The following GTF2A1L variants were observed in gnomAD, a reference collection of about 807,000 sequenced individuals.
The protein encoded by GTF2A1L is general transcription factor IIA subunit 1 like, also known as TFIIA-alpha and beta-like factor.
A neutral mutation model predicts 49.7 loss-of-function variants in GTF2A1L; 48 were observed. That is an observed-to-expected ratio of 0.97 (90% CI 0.77 to 1.23). The LOEUF (loss-of-function observed/expected upper bound fraction) is 1.23. Ranked by LOEUF, GTF2A1L falls within the 50% of genes most tolerant of loss-of-function variation. The pLI, the probability that GTF2A1L is intolerant of heterozygous loss-of-function variation, is 0.00. For missense variants in GTF2A1L, 736 were observed against 564.8 expected (o/e 1.30, Z -3.07); for synonymous variants, 246 against 193.5 (o/e 1.27, Z -2.25).
chr2:48,634,731 C>T (rs1172913526), intron 3 of GTF2A1L, among the ~76,000 whole-genome samples: 1 of 152,218 alleles, frequency 6.6e-6, no homozygotes, highest in Non-Finnish European at 1.5e-5. Flanking sequence ...CCCCTAGTCT[C>T]TCCTGGCTTG....
intron 6 of GTF2A1L, among the ~76,000 whole-genome samples, chr2:48,669,456 G>C (rs965413558): frequency 1.3e-5 from 2 of 152,068 alleles, no homozygotes; most frequent in African/African-American, 2.4e-5. Context: ...TATAAAAACT[G>C]GTAAATATTA....
chr2:48,622,262 A>C (rs1215726524), intron 3 of GTF2A1L, among the ~76,000 whole-genome samples: 1 of 152,240 alleles, frequency 6.6e-6, no homozygotes, highest in Non-Finnish European at 1.5e-5. Context: ...TTAACAATGA[A>C]TGTTGAATTA....
intron 8 of GTF2A1L, among the ~76,000 whole-genome samples, chr2:48,676,821 C>G (rs1259202529): frequency 6.6e-6 from 1 of 150,750 alleles, no homozygotes; most frequent in Non-Finnish European, 1.5e-5. Flanking sequence ...ATATCTATAT[C>G]TATATCTATA....
intron 6 of GTF2A1L, among the ~76,000 whole-genome samples, chr2:48,656,287 A>G (rs1239947951): frequency 6.6e-6 from 1 of 150,560 alleles, no homozygotes; most frequent in Non-Finnish European, 1.5e-5. Flanking sequence ...ACCAGTTTAC[A>G]TTCTCAACAG....
chr2:48,645,163 A>G (rs1677425744), intron 5 of GTF2A1L, 46 bp downstream of exon 5: 1 of 1,545,112 alleles, frequency 6.5e-7, no homozygotes, highest in African/African-American at 1.4e-5. Context: ...CATTGGTACT[A>G]TTTTTTGGAC....
intron 6 of GTF2A1L, among the ~76,000 whole-genome samples, chr2:48,652,661 G>C (rs1004316413): frequency 8.6e-5 from 13 of 151,160 alleles, no homozygotes; most frequent in Admixed American, 1.3e-4. Flanking sequence ...TTTAGGCCTA[G>C]GACAAATCTT....
At chr2:48,626,622 G>C (rs1306490058) in intron 3 of GTF2A1L, among the ~76,000 whole-genome samples, 1 of 143,588 alleles carries the variant, frequency 7.0e-6, no homozygotes, top group Non-Finnish European at 1.6e-5. Context: ...ATCCAGGCTG[G>C]AGTGCAGTGG....
chr2:48,637,078 A>G (rs1407036799), intron 3 of GTF2A1L, among the ~76,000 whole-genome samples: 4 of 152,204 alleles, frequency 2.6e-5, no homozygotes, highest in African/African-American at 7.2e-5. Context: ...AATTTCAGCA[A>G]TGTGGTTGGT....
chr2:48,671,758 A>C, intron 8 of GTF2A1L, 78 bp downstream of exon 8: 1 of 1,345,388 alleles, frequency 7.4e-7, no homozygotes, highest in South Asian at 1.4e-5. Flanking sequence ...ATGGGAAATA[A>C]GATGAAGAGT....
At chr2:48,672,720 A>G (rs1435237676) in intron 8 of GTF2A1L, among the ~76,000 whole-genome samples, 1 of 152,214 alleles carries the variant, frequency 6.6e-6, no homozygotes, top group African/African-American at 2.4e-5. Context: ...TATGTAGTCA[A>G]ATGGGAGTTT....
intron 6 of GTF2A1L, among the ~76,000 whole-genome samples, chr2:48,652,489 A>G (rs1207810075): frequency 6.6e-6 from 1 of 150,920 alleles, no homozygotes; most frequent in Non-Finnish European, 1.5e-5. Flanking sequence ...GGTGGCAGGC[A>G]CCTGTAATCC....
chr2:48,633,808 G>A (rs1210510615), intron 3 of GTF2A1L, among the ~76,000 whole-genome samples: 1 of 152,168 alleles, frequency 6.6e-6, no homozygotes, highest in African/African-American at 2.4e-5. Flanking sequence ...TTGTAATTCT[G>A]GGTGCTCCAA....
chr2:48,664,840 C>G (rs766710454), intron 6 of GTF2A1L, among the ~76,000 whole-genome samples: 1 of 152,034 alleles, frequency 6.6e-6, no homozygotes, highest in Non-Finnish European at 1.5e-5. Context: ...TTCTTTAATT[C>G]TTAATACTGT....
chr2:48,621,632 A>G (rs1181456250), intron 3 of GTF2A1L, among the ~76,000 whole-genome samples: 1 of 152,200 alleles, frequency 6.6e-6, no homozygotes, highest in East Asian at 1.9e-4. Flanking sequence ...GGCAGAGGGA[A>G]AGGTGAGTGC....
chr2:48,658,851 T>C (rs528889292), intron 6 of GTF2A1L, among the ~76,000 whole-genome samples: 2 of 63,004 alleles, frequency 3.2e-5, no homozygotes, highest in East Asian at 4.4e-4. Flanking sequence ...TTTGTCTTTT[T>C]TATTGTGCTT....
chr2:48,667,206 G>A (rs1316097416), intron 6 of GTF2A1L, among the ~76,000 whole-genome samples: 2 of 151,552 alleles, frequency 1.3e-5, no homozygotes, highest in African/African-American at 4.9e-5. Context: ...CAATCTGCCA[G>A]CTTCAGTGTC....
chr2:48,645,734 C>T (rs1363681064), intron 5 of GTF2A1L, among the ~76,000 whole-genome samples: 5 of 152,194 alleles, frequency 3.3e-5, no homozygotes, highest in African/African-American at 9.6e-5. Context: ...CTGCAAGCTC[C>T]GCCTCCTGGG....
chr2:48,658,859 C>A (rs1678328142), intron 6 of GTF2A1L, among the ~76,000 whole-genome samples: 1 of 151,742 alleles, frequency 6.6e-6, no homozygotes, highest in Non-Finnish European at 1.5e-5. Context: ...TTTTATTGTG[C>A]TTATTTGGAT....
chr2:48,671,628 A>G lies in GTF2A1L; in HGVS notation c.1277A>G (p.Asp426Gly), dbSNP rs1679171760. Reference sequence around the variant, plus strand: ...TCTGGAGATGATGTTAGTGAACAGGATGTGCCAGACCTGTTTGACACGGAT... The same window carrying G: ...TCTGGAGATGATGTTAGTGAACAGGGTGTGCCAGACCTGTTTGACACGGAT... ...LNSGDDVSEQ[D>G]VPDLFDTDNV... The change falls in exon 8 of 9, where the codon GAT becomes GGT. Residue 426 changes from aspartate to glycine, a missense_variant. Physicochemically the swap from Asp to Gly is moderately conservative, Grantham distance 94 (BLOSUM62 -1). Coordinates refer to ENST00000403751, the MANE Select transcript of GTF2A1L (RefSeq NM_006872.5). 6.2e-7 allele frequency: 1 copy of G among 1,613,698 alleles called. No individual in the cohort carries two copies. The highest frequency in any genetic ancestry group is 8.5e-7 in the Non-Finnish European group (1 of 1,179,708).
Sources: allele counts gnomAD v4.1 joint callset (sites outside exome capture counted in the v4.1 genomes callset), GRCh38; gene constraint gnomAD v4.1.1; transcripts MANE v1.5; gene names NCBI Gene and HGNC (gene_info 2026-07-23, HGNC 2026-07-21).